Variants in APBA1 observed in about 807,000 individuals in gnomAD.
APBA1 encodes amyloid-beta A4 precursor protein-binding family A member 1.
In APBA1, 55 loss-of-function variants were observed where a neutral mutation model predicts 86.6. That is an observed-to-expected ratio of 0.64 (90% CI 0.51 to 0.80). The LOEUF (loss-of-function observed/expected upper bound fraction) is 0.80, where lower values mean the gene tolerates loss of function less well. APBA1 is among the 30% of genes least tolerant of loss of function. The pLI is 0.00. For missense variants in APBA1, 1,090 were observed against 1,183.0 expected, an observed-to-expected ratio of 0.92 and a Z score of 1.15; for synonymous variants, 511 against 493.9, an observed-to-expected ratio of 1.03 and a Z score of -0.46.
intron 2 of APBA1, among the ~76,000 whole-genome samples, chr9:69,492,978 G>A (rs1239213522): frequency 6.6e-6 from 1 of 152,004 alleles, no homozygotes; most frequent in Non-Finnish European, 1.5e-5. Flanking sequence ...CACGTATGTA[G>A]AACGACACAG....
At chr9:69,624,189 C>T (rs1047878958) in intron 1 of APBA1, among the ~76,000 whole-genome samples, 2 of 152,066 alleles carry the variant, frequency 1.3e-5, no homozygotes, top group East Asian at 3.9e-4. Context: ...AAGAGCAGCA[C>T]GAATTTACAA....
At chr9:69,448,267 G>A (rs1253249505) in intron 10 of APBA1, among the ~76,000 whole-genome samples, 6 of 152,216 alleles carry the variant, frequency 3.9e-5, no homozygotes, top group South Asian at 2.1e-4. Flanking sequence ...GCCCTTGCAC[G>A]TCTCTAATTA....
At chr9:69,560,582 T>C (rs1247589369) in intron 1 of APBA1, among the ~76,000 whole-genome samples, 1 of 152,206 alleles carries the variant, frequency 6.6e-6, no homozygotes, top group Admixed American at 6.5e-5. Flanking sequence ...AGATGAAATA[T>C]GGGAATGCAT....
chr9:69,620,993 C>T (rs901786212), intron 1 of APBA1, among the ~76,000 whole-genome samples: 1 of 152,202 alleles, frequency 6.6e-6, no homozygotes, highest in Non-Finnish European at 1.5e-5. Flanking sequence ...TGAGACTGAA[C>T]CTGGGCTCTG....
chr9:69,476,140 G>C lies in APBA1; in HGVS notation c.1204C>G (p.Pro402Ala), dbSNP rs771914317. The change falls in exon 3 of 13, where the codon CCG becomes GCG. Residue 402 changes from proline (P) to alanine (A), a missense_variant. Transcript: ENST00000265381. The part of the protein sequence containing the change: ...DDQRPMDGDS[P>A]SPGSSSPLGA... Reference sequence around the variant, plus strand: ...AAGGGGGAGGAGCTGCCAGGAGACGGAGACTAGAACACAGCAAGAGGAAAC... The same window carrying C: ...AAGGGGGAGGAGCTGCCAGGAGACGCAGACTAGAACACAGCAAGAGGAAAC... 1 of 1,612,384 alleles carries C rather than the reference G, an allele frequency of 6.2e-7. No homozygotes were observed. The highest frequency in any genetic ancestry group is 8.5e-7 in the Non-Finnish European group (1 of 1,178,782).
chr9:69,595,725 T>C (rs1822214011), intron 1 of APBA1, among the ~76,000 whole-genome samples: 1 of 152,134 alleles, frequency 6.6e-6, no homozygotes, highest in Admixed American at 6.6e-5. Flanking sequence ...TAGTAAACGA[T>C]AGTAGCAGGA....
At position 69,432,680 on chromosome 9, in the gene APBA1, C is replaced by T; in HGVS notation, c.2302-4G>A. On this transcript the variant is annotated splice_region_variant and splice_polypyrimidine_tract_variant and intron_variant, in intron 11 of 12. Coordinates refer to ENST00000265381, the MANE Select transcript of APBA1 (RefSeq NM_001163.4). ...CCCCTCGCATGAGGCTGCAGATCTG[C>T]CAGAGTCAAAGGCAGAGTTACCCTC... The T allele has an allele frequency of 1.9e-6, 3 of 1,572,630 alleles. No homozygotes were observed. The highest frequency in any genetic ancestry group is 2.6e-6 in the Non-Finnish European group (3 of 1,162,586).
At chr9:69,433,503 C>T (rs1017749710) in intron 11 of APBA1, among the ~76,000 whole-genome samples, 1 of 152,192 alleles carries the variant, frequency 6.6e-6, no homozygotes, top group Non-Finnish European at 1.5e-5. Context: ...AGTCTGGGGT[C>T]AAAACATTCC....
rs867950273 is a variant in APBA1 at position 69,437,245 on chromosome 9, G to C, written c.2301+3751C>G. ...ATATTGGTCTAAAATTATCTTTTTT[G>C]GTTGTGTCTCTGCCCGGCTTTGGTA... is the stretch of plus-strand genomic sequence containing the variant. On this transcript the variant is annotated intron_variant, in intron 11 of 12. Transcript: ENST00000265381. Among the ~76,000 whole-genome samples the C allele has an allele frequency of 5.3e-5, 8 of 151,542 alleles. 1 individual carries two copies. In the East Asian group the frequency reaches 1.5e-3, roughly 29 times the overall value.
chr9:69,446,136 T>C (rs996664072), intron 10 of APBA1, among the ~76,000 whole-genome samples: 2 of 152,256 alleles, frequency 1.3e-5, no homozygotes, highest in South Asian at 4.2e-4. Flanking sequence ...TGCACATCTG[T>C]CCAGGTGCAG....
chr9:69,635,650 A>G (rs756704586), intron 1 of APBA1, among the ~76,000 whole-genome samples: 20 of 152,180 alleles, frequency 1.3e-4, no homozygotes, highest in Non-Finnish European at 2.6e-4. Flanking sequence ...AGGAATGGAA[A>G]AAGATACTCC....
At chr9:69,595,947 G>C (rs1822218779) in intron 1 of APBA1, among the ~76,000 whole-genome samples, 1 of 152,144 alleles carries the variant, frequency 6.6e-6, no homozygotes, top group African/African-American at 2.4e-5. Context: ...CACACAATCA[G>C]AGCAACTTCT....
intron 1 of APBA1, among the ~76,000 whole-genome samples, chr9:69,626,772 T>C (rs920970428): frequency 6.6e-6 from 1 of 152,138 alleles, no homozygotes; most frequent in African/African-American, 2.4e-5. Flanking sequence ...TTTATGTTCA[T>C]GTCCTAAGGC....
At chr9:69,603,694 G>A (rs1355547541) in intron 1 of APBA1, among the ~76,000 whole-genome samples, 1 of 152,250 alleles carries the variant, frequency 6.6e-6, no homozygotes, top group Non-Finnish European at 1.5e-5. Context: ...GCTCTAGTAG[G>A]CCATAAGGCC....
At chr9:69,568,146 G>C (rs1837059936) in intron 1 of APBA1, among the ~76,000 whole-genome samples, 1 of 152,182 alleles carries the variant, frequency 6.6e-6, no homozygotes, top group Non-Finnish European at 1.5e-5. Flanking sequence ...TTTCCACGTA[G>C]AGAAGAGCAA....
At chr9:69,431,912 AACTGACAGCAGTGTTG>A (rs1033686985) in intron 12 of APBA1, among the ~76,000 whole-genome samples, 15 of 151,390 alleles carry the variant, frequency 9.9e-5, no homozygotes, top group Non-Finnish European at 2.1e-4. Flanking sequence ...CAGCAGTGGT[AACTGACAGCAGTGTTG>A]ACTGACAGCA....
chr9:69,467,889 G>C lies in APBA1; in HGVS notation c.1416C>G (p.Leu472=), dbSNP rs751027250. Residue 472 remains leucine (L), a synonymous_variant, in exon 5 of 13, where the codon CTC becomes CTG. Coordinates refer to ENST00000265381, the MANE Select transcript of APBA1 (RefSeq NM_001163.4). Reference sequence around the variant, plus strand: ...CGTTTTTGGAAGGAGTTTTGTCTGAGAGCAGCTGAGTGGAGCCAAGGTAAT... The same window carrying C: ...CGTTTTTGGAAGGAGTTTTGTCTGACAGCAGCTGAGTGGAGCCAAGGTAAT... ...AANYLGSTQL[L]SDKTPSKNVR... is the part of the protein sequence containing the mutation. 179 of 1,614,076 alleles carry C rather than the reference G, an allele frequency of 1.1e-4. No individual in the cohort carries two copies. Among genetic ancestry groups the C allele is most frequent in the Non-Finnish European group, 1.4e-4 (170 of 1,180,050 alleles).
At chr9:69,664,125 A>G (rs903977849) in intron 1 of APBA1, among the ~76,000 whole-genome samples, 3 of 152,212 alleles carry the variant, frequency 2.0e-5, no homozygotes, top group Non-Finnish European at 2.9e-5. Context: ...CTATTTGGAG[A>G]AGATAGCCGG....
chr9:69,668,322 C>G (rs1823881614), intron 1 of APBA1, among the ~76,000 whole-genome samples: 1 of 152,158 alleles, frequency 6.6e-6, no homozygotes, highest in South Asian at 2.1e-4. Flanking sequence ...CCCAACTGCT[C>G]TCTCAGCTAA....
Sources: allele counts gnomAD v4.1 joint callset (sites outside exome capture counted in the v4.1 genomes callset), GRCh38; gene constraint gnomAD v4.1.1; transcripts MANE v1.5; gene names NCBI Gene and HGNC (gene_info 2026-07-23, HGNC 2026-07-21).